Variants in PFAS observed in about 807,000 individuals in gnomAD.
The protein encoded by PFAS is FGAM synthase.
Under a neutral mutation model 140.6 loss-of-function variants are expected in PFAS, and 97 were observed. That is an observed-to-expected ratio of 0.69 (90% confidence interval 0.59 to 0.82). PFAS has a LOEUF of 0.82. Ranked by LOEUF, PFAS falls within the 40% of genes least tolerant of loss-of-function variation. PFAS has a pLI of 0.00. For synonymous variants in PFAS, 679 were observed against 718.8 expected (o/e 0.94, Z 0.88); for missense variants, 1,656 against 1,780.2 (o/e 0.93, Z 1.26).
In PFAS at chr17:8,267,437, G is replaced by C. The variant is rs769383214; in HGVS notation, c.3241G>C (p.Asp1081His). 7 of 1,614,106 alleles carry C rather than the reference G, an allele frequency of 4.3e-6. No homozygotes were observed. In the Admixed American group the frequency reaches 1.0e-4, roughly 23 times the overall value. Residue 1081 changes from aspartate (D) to histidine (H), a missense_variant, in exon 25 of 28, where the codon GAT becomes CAT. Transcript: ENST00000314666. The surrounding 1 kb of genome is among the most constrained non-coding windows in gnomAD (Gnocchi z 4.9). ...EGSNGDREMA[D>H]AFHLAGFEVW... Reference sequence around the variant, plus strand: ...CAGTAATGGAGACCGGGAGATGGCCGATGCCTTCCACTTAGCTGGGTTTGA... The same window carrying C: ...CAGTAATGGAGACCGGGAGATGGCCCATGCCTTCCACTTAGCTGGGTTTGA...
At chr17:8,254,416 C>T (rs1989278902) in intron 3 of PFAS, 115 bp downstream of exon 3, 11 of 1,197,714 alleles carry the variant, frequency 9.2e-6, no homozygotes, top group African/African-American at 1.5e-5. Context: ...GGAAACCACA[C>T]ATGTGCTTTC....
chr17:8,269,026 CTGA>C lies in PFAS; in HGVS notation c.3786_3788del (p.Asp1263del). ...AGGGGCTTGGCTCCACTGCACTGGGCTGATGATGACGGGAACCCCACAGAGCAG... is the reference window on the plus strand; with the variant it reads ...AGGGGCTTGGCTCCACTGCACTGGGCTGATGACGGGAACCCCACAGAGCAG... On this transcript the variant is annotated inframe_deletion, in exon 28 of 28. Transcript: ENST00000314666. 1.2e-6 allele frequency: 2 copies of C among 1,614,158 alleles called. No individual in the cohort carries two copies. Among genetic ancestry groups the C allele is most frequent in the African/African-American group, 1.3e-5 (1 of 75,054 alleles).
In PFAS at chr17:8,269,543, C is replaced by G. The variant is rs528526872; in HGVS notation, c.*279C>G. 4 of 402,056 alleles carry G rather than the reference C, an allele frequency of 9.9e-6. No individual in the cohort carries two copies. The South Asian group carries it at 1.7e-4, about 17-fold the overall frequency. 24.9% of individuals were successfully genotyped at this position (402,056 alleles called of 1,614,324 possible). Reference sequence around the variant, plus strand: ...AGAGCGACAAGGAAAAGTTAGGACTCCTGAGGTCCGAACAGGGGCTTCTGT... The same window carrying G: ...AGAGCGACAAGGAAAAGTTAGGACTGCTGAGGTCCGAACAGGGGCTTCTGT... On this transcript the variant is annotated 3_prime_UTR_variant, in exon 28 of 28. Transcript: ENST00000314666.
rs1989970780 is a variant in PFAS at position 8,270,317 on chromosome 17, C to A, written c.*1053C>A. ...TATTGCAAAGCACTGTCACCGGCCT[C>A]AGGGAGTTTATGTGTAATAGAATTA... On this transcript the variant is annotated 3_prime_UTR_variant, in exon 28 of 28. Coordinates refer to ENST00000314666, the MANE Select transcript of PFAS (RefSeq NM_012393.3). 6.6e-6 allele frequency: 1 copy of A among 152,148 alleles called. No individual in the cohort carries two copies. The highest frequency in any genetic ancestry group is 2.4e-5 in the African/African-American group (1 of 41,406). 9.4% of individuals were successfully genotyped at this position (152,148 alleles called of 1,614,324 possible). A position where few individuals can be genotyped will look rare whatever the true frequency, so the allele number is the denominator to read the frequency against.
rs755129501 is a variant in PFAS at position 8,256,867 on chromosome 17, A to G, written c.979A>G (p.Thr327Ala). 1 of 1,612,658 alleles carries G rather than the reference A, an allele frequency of 6.2e-7. No individual in the cohort carries two copies. Among genetic ancestry groups the G allele is most frequent in the Non-Finnish European group, 8.5e-7 (1 of 1,179,240 alleles). The change falls in exon 9 of 28, where the codon ACA (threonine) becomes GCA (alanine). Residue 327 changes from threonine to alanine, a missense_variant. By Grantham distance (58) the Thr-to-Ala change is moderately conservative. Coordinates refer to ENST00000314666, the MANE Select transcript of PFAS (RefSeq NM_012393.3). Reference sequence around the variant, plus strand: ...CCCCTTTAGTGGTGCAACCACTGGCACAGGGGGCCGGATTCGAGATGTCCA... The same window carrying G: ...CCCCTTTAGTGGTGCAACCACTGGCGCAGGGGGCCGGATTCGAGATGTCCA... ...VCPFSGATTG[T>A]GGRIRDVQCT...
At chr17:8,248,555 C>T (rs1988978654), upstream of PFAS, among the ~76,000 whole-genome samples, 1 of 150,198 alleles carries the variant, frequency 6.7e-6, no homozygotes, top group African/African-American at 2.5e-5. Context: ...AACACAGCCC[C>T]TGGCCCTCTC....
rs769893285 is a variant in PFAS at position 8,265,936 on chromosome 17, C to G, written c.2620C>G (p.Gln874Glu). 1.2e-6 allele frequency: 2 copies of G among 1,613,714 alleles called. No individual in the cohort carries two copies. Among genetic ancestry groups the G allele is most frequent in the South Asian group, 2.2e-5 (2 of 91,042 alleles). Residue 874 changes from glutamine to glutamate, a missense_variant, in exon 21 of 28, where the codon CAG becomes GAG. This residue lies in a region of PFAS where 883 missense variants were observed against 1,023.0 expected (regional missense o/e 0.86). Coordinates refer to ENST00000314666, the MANE Select transcript of PFAS (RefSeq NM_012393.3). ...CACAGCTCTGGCCCAGTGCTTCTCCCAGCTTGGGGAACACCCTCCAGACCT... is the reference window on the plus strand; with the variant it reads ...CACAGCTCTGGCCCAGTGCTTCTCCGAGCTTGGGGAACACCCTCCAGACCT... Reference protein sequence around the residue: ...GGTALAQCFSQLGEHPPDLDL... With the variant: ...GGTALAQCFSELGEHPPDLDL...
At position 8,265,451 on chromosome 17, in the gene PFAS, A is replaced by G. The variant is rs1414969824; in HGVS notation, c.2444A>G (p.Glu815Gly). 5 of 1,613,626 alleles carry G rather than the reference A, an allele frequency of 3.1e-6. No individual in the cohort carries two copies. The South Asian group carries it at 5.5e-5, about 18-fold the overall frequency. The stretch of plus-strand genomic sequence containing the variant: ...AGCATGGCTGCTCGGGTTGGCACTG[A>G]GACCGTGCGGGCTCCTGGTGAGGTG... Reference protein sequence around the residue: ...SLSMAARVGTETVRAPGSLVI... With the variant: ...SLSMAARVGTGTVRAPGSLVI... The change falls in exon 19 of 28, where the codon GAG becomes GGG. Residue 815 changes from glutamate (E) to glycine (G), a missense_variant. By Grantham distance (98) the Glu-to-Gly change is moderately conservative. Transcript: ENST00000314666.
In PFAS at chr17:8,264,999, C is replaced by T. The variant is rs1457650101; in HGVS notation, c.2154C>T (p.Leu718=). ...TTGTGGCACTGAGCCATGAGGAGCT[C>T]ATAGGGGCTGCCACAGCCTTGGGAG... The part of the protein sequence containing the change: ...VAVVALSHEE[L]IGAATALGEQ... The change falls in exon 18 of 28, where the codon CTC becomes CTT. Residue 718 remains leucine (L), a synonymous_variant. Coordinates refer to ENST00000314666, the MANE Select transcript of PFAS (RefSeq NM_012393.3). 2.5e-6 allele frequency: 4 copies of T among 1,613,532 alleles called. No homozygotes were observed. Among genetic ancestry groups the T allele is most frequent in the Non-Finnish European group, 3.4e-6 (4 of 1,179,904 alleles).
chr17:8,254,837 C>T (rs767501614), intron 3 of PFAS, among the ~76,000 whole-genome samples, 190 bp from the exon 4 acceptor site: 7 of 152,190 alleles, frequency 4.6e-5, no homozygotes, highest in Non-Finnish European at 1.0e-4. Flanking sequence ...AGTTTTGATG[C>T]TAGAGGACAG....
upstream of PFAS, chr17:8,247,870 G>T: frequency 2.4e-6 from 2 of 833,734 alleles, no homozygotes; most frequent in African/African-American, 1.7e-5. Context: ...GGAGCGGACC[G>T]ACTCACAACC....
chr17:8,255,087 G>A lies in PFAS; in HGVS notation c.339G>A (p.Leu113=). ...NIVSVCRATG[L]GPVDRVETTR... is the part of the protein sequence containing the mutation. Reference sequence around the variant, plus strand: ...TGTCAGTGTGCCGCGCCACTGGGCTGGGGCCTGTGGATCGTGTGGAGACCA... The same window carrying A: ...TGTCAGTGTGCCGCGCCACTGGGCTAGGGCCTGTGGATCGTGTGGAGACCA... The change falls in exon 4 of 28, where the codon CTG becomes CTA. Residue 113 remains leucine, a synonymous_variant. Coordinates refer to ENST00000314666, the MANE Select transcript of PFAS (RefSeq NM_012393.3). 3 of 1,613,828 alleles carry A rather than the reference G, an allele frequency of 1.9e-6. No homozygotes were observed. In the South Asian group the frequency reaches 3.3e-5, roughly 18 times the overall value.
chr17:8,267,470 A>G lies in PFAS; in HGVS notation c.3267+7A>G. On this transcript the variant is annotated splice_region_variant and intron_variant, in intron 25 of 27. Coordinates refer to ENST00000314666, the MANE Select transcript of PFAS (RefSeq NM_012393.3). The surrounding 1 kb of genome is among the most constrained non-coding windows in gnomAD (Gnocchi z 4.9). ...CCACTTAGCTGGGTTTGAGGTGAGC[A>G]GGGTAGGGGGCAGCTGGGGGTGATT... 1.2e-6 allele frequency: 2 copies of G among 1,612,810 alleles called. No homozygotes were observed. Among genetic ancestry groups the G allele is most frequent in the East Asian group, 2.2e-5 (1 of 44,882 alleles).
chr17:8,269,338 A>T lies in PFAS; in HGVS notation c.*74A>T. ...TCCTGCCCCCTCCCCCATGACCTTC[A>T]GGAGCACCCCATATTATTTCCAAAA... On this transcript the variant is annotated 3_prime_UTR_variant, in exon 28 of 28. Transcript: ENST00000314666. The T allele has an allele frequency of 1.9e-6, 2 of 1,038,766 alleles. No homozygotes were observed. The highest frequency in any genetic ancestry group is 2.5e-5 in the East Asian group (1 of 40,520). 64.3% of individuals were successfully genotyped at this position (1,038,766 alleles called of 1,614,324 possible).
In PFAS at chr17:8,269,157, C is replaced by A. The variant is rs1488313187; in HGVS notation, c.3910C>A (p.Pro1304Thr). 2.5e-6 allele frequency: 4 copies of A among 1,613,750 alleles called. No individual in the cohort carries two copies. The East Asian group carries it at 6.7e-5, about 27-fold the overall frequency. Residue 1304 changes from proline to threonine, a missense_variant, in exon 28 of 28, where the codon CCT becomes ACT. Around this residue, in one of 2 missense-constraint regions of PFAS, gnomAD observed 883 missense variants for 1,023.0 expected, o/e 0.86. Transcript: ENST00000314666. ...GCCTCACCCTGAGCGGGCCGTTAGG[C>A]CTTGGCAGTGGGCATGGCGACCCCC... ...VMPHPERAVR[P>T]WQWAWRPPPF...
In PFAS at chr17:8,266,657, T is replaced by A. The variant is rs114565693; in HGVS notation, c.2822-96T>A. On this transcript the variant is annotated intron_variant, in intron 22 of 27. Transcript: ENST00000314666. This position sits in a 1 kb window ranked among gnomAD's most constrained non-coding sequence, Gnocchi z 5.0. Reference sequence around the variant, plus strand: ...ACCCTACTCTCTGGCTGCATCCCTCTGACCCTCACCCTGGCCCTTCCTGCA... The same window carrying A: ...ACCCTACTCTCTGGCTGCATCCCTCAGACCCTCACCCTGGCCCTTCCTGCA... 1,578 of 1,521,458 alleles carry A rather than the reference T, an allele frequency of 1.0e-3. 10 individuals carry two copies. In the African/African-American group the frequency reaches 0.019, roughly 18 times the overall value. 94.2% of individuals were successfully genotyped at this position (1,521,458 alleles called of 1,614,324 possible).
Position 8,264,313 on chromosome 17 carries a change from G to A in PFAS, c.1893G>A (p.Trp631Ter). Reference protein sequence around the residue: ...LPTPVDLELEWVLGKMPRKEF... With the variant: ...LPTPVDLELE Reference sequence around the variant, plus strand: ...CCCCTGTGGACCTGGAGCTCGAATGGGTGCTGGGCAAGATGCCTCGGAAGG... The same window carrying A: ...CCCCTGTGGACCTGGAGCTCGAATGAGTGCTGGGCAAGATGCCTCGGAAGG... Residue 631 changes from tryptophan (W) to a stop codon, truncating the protein, a stop_gained, in exon 16 of 28, where the codon TGG becomes TGA. Coordinates refer to ENST00000314666, the MANE Select transcript of PFAS (RefSeq NM_012393.3). LOFTEE classifies it high-confidence loss of function. 6.2e-7 allele frequency: 1 copy of A among 1,614,034 alleles called. No individual in the cohort carries two copies. The highest frequency in any genetic ancestry group is 8.5e-7 in the Non-Finnish European group (1 of 1,179,978).
Position 8,255,900 on chromosome 17 carries a change from C to A in PFAS, c.670C>A (p.Gln224Lys), listed in dbSNP as rs763387321. Reference protein sequence around the residue: ...PSTVEAFDLAQSNSEHSRHWF... With the variant: ...PSTVEAFDLAKSNSEHSRHWF... Reference sequence around the variant, plus strand: ...CACTGTGGAGGCCTTTGACTTGGCGCAGTCCAATAGGTGAGGAGAAATGGG... The same window carrying A: ...CACTGTGGAGGCCTTTGACTTGGCGAAGTCCAATAGGTGAGGAGAAATGGG... Residue 224 changes from glutamine to lysine, a missense_variant, in exon 6 of 28, where the codon CAG becomes AAG. By Grantham distance (53) the Gln-to-Lys change is moderately conservative (BLOSUM62 1). Around this residue, in one of 2 missense-constraint regions of PFAS, gnomAD observed 773 missense variants for 757.3 expected, o/e 1.02. Transcript: ENST00000314666. The A allele has an allele frequency of 2.5e-6, 4 of 1,612,288 alleles. No homozygotes were observed. Among genetic ancestry groups the A allele is most frequent in the Non-Finnish European group, 3.4e-6 (4 of 1,178,356 alleles).
In PFAS at chr17:8,256,245, C is replaced by T. The variant is rs767714917; in HGVS notation, c.681-22C>T. On this transcript the variant is annotated intron_variant, in intron 6 of 27. Coordinates refer to ENST00000314666, the MANE Select transcript of PFAS (RefSeq NM_012393.3). Reference sequence around the variant, plus strand: ...TGACCCCGTTTCCACCTGCCTTCCCCTCCCTGCATCGCCCCCTGCAGCGAG... The same window carrying T: ...TGACCCCGTTTCCACCTGCCTTCCCTTCCCTGCATCGCCCCCTGCAGCGAG... 3.7e-6 allele frequency: 6 copies of T among 1,610,932 alleles called. No homozygotes were observed. In the South Asian group the frequency reaches 5.5e-5, roughly 15 times the overall value.
Sources: allele counts gnomAD v4.1 joint callset (sites outside exome capture counted in the v4.1 genomes callset), GRCh38; gene constraint gnomAD v4.1.1; regional missense constraint gnomAD v4.1.1; non-coding constraint Gnocchi (gnomAD v3.1); transcripts MANE v1.5; gene names NCBI Gene and HGNC (gene_info 2026-07-23, HGNC 2026-07-21).